The following PCDHGB1 variants were observed in gnomAD, a reference collection of about 807,000 sequenced individuals.
PCDHGB1 encodes protocadherin gamma subfamily B, 1, also known as protocadherin gamma-B1.
Under a neutral mutation model 56.6 loss-of-function variants are expected in PCDHGB1, and 34 were observed. That is an observed-to-expected ratio of 0.60 (90% CI 0.46 to 0.80). The LOEUF (loss-of-function observed/expected upper bound fraction) is 0.80. Ranked by LOEUF, PCDHGB1 falls within the 30% of genes least tolerant of loss-of-function variation. The pLI, the probability that PCDHGB1 is intolerant of heterozygous loss-of-function variation, is 0.00. For missense variants in PCDHGB1, 1,278 were observed against 1,204.6 expected, an observed-to-expected ratio of 1.06 and a Z score of -0.90; for synonymous variants, 561 against 505.9, an observed-to-expected ratio of 1.11 and a Z score of -1.46.
At chr5:141,478,920 C>A (rs559060283) in intron 1 of PCDHGB1, 1 of 728,392 alleles carries the variant, frequency 1.4e-6, no homozygotes. Context: ...ATACCTCTAA[C>A]CAGTGGCAGC....
chr5:141,492,919 C>A (rs1019663003), intron 1 of PCDHGB1, among the ~76,000 whole-genome samples: 1 of 152,192 alleles, frequency 6.6e-6, no homozygotes, highest in Non-Finnish European at 1.5e-5. Context: ...ATGTGCCCAG[C>A]GATCTAGGGT....
In PCDHGB1 at chr5:141,368,077, T is replaced by A. The variant is rs563591342; in HGVS notation, c.2409+15408T>A. Among the ~76,000 whole-genome samples the A allele has an allele frequency of 2.2e-4, 33 of 152,336 alleles. 1 individual carries two copies. The South Asian group carries it at 5.6e-3, about 26-fold the overall frequency. On this transcript the variant is annotated intron_variant, in intron 1 of 3. Transcript: ENST00000523390. ...AGAACTACTATATTTCCCTTCTGCA[T>A]CTGATTTGCTGAAGATGATTTTCAG...
chr5:141,408,720 A>T, intron 1 of PCDHGB1: 1 of 1,611,332 alleles, frequency 6.2e-7, no homozygotes, highest in Non-Finnish European at 8.5e-7. Context: ...TATAAGATAA[A>T]CTCTAATCCT....
At chr5:141,478,044 C>T in intron 1 of PCDHGB1, 2 of 1,614,184 alleles carry the variant, frequency 1.2e-6, no homozygotes, top group South Asian at 1.1e-5. Flanking sequence ...CCCAGGCAGA[C>T]TCTCACGGTC....
chr5:141,491,871 C>T lies in PCDHGB1; in HGVS notation c.2410-2936C>T, dbSNP rs1222191027. 2.1e-6 allele frequency: 3 copies of T among 1,451,434 alleles called. No individual in the cohort carries two copies. Among genetic ancestry groups the T allele is most frequent in the Non-Finnish European group, 2.7e-6 (3 of 1,098,418 alleles). 89.9% of individuals were successfully genotyped at this position (1,451,434 alleles called of 1,614,324 possible). ...ACCGTTTGCGCGAAACCAGAGTGGC[C>T]GATTAAGGGATGGGGCTCCGAGCAC... On this transcript the variant is annotated intron_variant, in intron 1 of 3. Transcript: ENST00000523390. The surrounding 1 kb of genome is among the most constrained non-coding windows in gnomAD (Gnocchi z 6.9).
intron 1 of PCDHGB1, chr5:141,419,559 T>C: frequency 6.2e-7 from 1 of 1,611,930 alleles, no homozygotes. Context: ...TACCCTGCGC[T>C]GGGTCCCGAC....
intron 1 of PCDHGB1, chr5:141,362,678 T>C: frequency 8.3e-7 from 1 of 1,209,742 alleles, no homozygotes; most frequent in Admixed American, 2.9e-5. Flanking sequence ...GCCTTAATTG[T>C]CTTAATCTTA....
chr5:141,372,000 G>C (rs762846056), intron 1 of PCDHGB1: 3 of 1,613,268 alleles, frequency 1.9e-6, no homozygotes, highest in Middle Eastern at 1.7e-4. Context: ...GCAGGCCCGC[G>C]ACCAGGGCTC....
chr5:141,414,255 G>A (rs776584940), intron 1 of PCDHGB1: 12 of 1,613,350 alleles, frequency 7.4e-6, no homozygotes, highest in Non-Finnish European at 1.0e-5. Flanking sequence ...TTAGTCCAGT[G>A]ACTGAAGATT....
intron 1 of PCDHGB1, chr5:141,365,598 C>G (rs772367194): frequency 1.2e-6 from 2 of 1,613,672 alleles, no homozygotes; most frequent in Non-Finnish European, 1.7e-6. Flanking sequence ...ATCACTTTAA[C>G]CGTCATGGAC....
chr5:141,433,033 C>A, intron 1 of PCDHGB1: 2 of 1,614,164 alleles, frequency 1.2e-6, no homozygotes, highest in Non-Finnish European at 1.7e-6. Flanking sequence ...ACGAGGTTTC[C>A]CTCACCACGG....
chr5:141,394,020 AG>A (rs745548616), intron 1 of PCDHGB1: 1 of 1,613,544 alleles, frequency 6.2e-7, no homozygotes, highest in Non-Finnish European at 8.5e-7. Flanking sequence ...TAATTATTAT[AG>A]ATTAGTGACA....
Position 141,476,901 on chromosome 5 carries a change from G to A in PCDHGB1, c.2410-17906G>A, listed in dbSNP as rs1466086788. The A allele has an allele frequency of 1.9e-6, 3 of 1,613,782 alleles. No individual in the cohort carries two copies. The African/African-American group carries it at 4.0e-5, about 22-fold the overall frequency. On this transcript the variant is annotated intron_variant, in intron 1 of 3. Coordinates refer to ENST00000523390, the MANE Select transcript of PCDHGB1 (RefSeq NM_018922.3). The surrounding 1 kb of genome is among the most constrained non-coding windows in gnomAD (Gnocchi z 7.6). ...CTGGAGGATGCACCCTCCGGCACGC[G>A]CGTGGTACAAGTCCTTGCAACGGAT...
At chr5:141,448,074 G>A (rs1008235342) in intron 1 of PCDHGB1, among the ~76,000 whole-genome samples, 3 of 151,152 alleles carry the variant, frequency 2.0e-5, no homozygotes, top group Admixed American at 1.3e-4. Context: ...CAACATGAAC[G>A]AAATGCCATC....
chr5:141,510,795 G>T (rs994874330), intron 3 of PCDHGB1, 152 bp from the exon 4 acceptor site: 6 of 1,465,214 alleles, frequency 4.1e-6, no homozygotes. Flanking sequence ...CTTGTGAAGA[G>T]AGACTACCTT....
At chr5:141,414,020 C>A in intron 1 of PCDHGB1, 1 of 1,612,618 alleles carries the variant, frequency 6.2e-7, no homozygotes. Flanking sequence ...GGAGAAGTGA[C>A]ATATTCATTC....
At position 141,431,578 on chromosome 5, in the gene PCDHGB1, C is replaced by T. The variant is rs756332070; in HGVS notation, c.2410-63229C>T. 6.2e-7 allele frequency: 1 copy of T among 1,614,164 alleles called. No homozygotes were observed. On this transcript the variant is annotated intron_variant, in intron 1 of 3. Coordinates refer to ENST00000523390, the MANE Select transcript of PCDHGB1 (RefSeq NM_018922.3). This position sits in a 1 kb window ranked among gnomAD's most constrained non-coding sequence, Gnocchi z 4.8. ...ACGCTACCGACCCTGACGAAGGAGT[C>T]AATGCGGAAGTGAGGTATTCCTTCC...
At chr5:141,417,423 C>T (rs1252792899) in intron 1 of PCDHGB1, 1 of 159,686 alleles carries the variant, frequency 6.3e-6, no homozygotes, top group African/African-American at 2.4e-5. Context: ...TATGTAAATT[C>T]AGTAAATAAA....
At chr5:141,404,102 T>C (rs1288980459) in intron 1 of PCDHGB1, 16 of 1,613,462 alleles carry the variant, frequency 9.9e-6, no homozygotes, top group Non-Finnish European at 8.5e-7. Context: ...TCAAGTTGTC[T>C]GTTCTATCCA....
Sources: gnomAD v4.1 joint callset for allele counts (sites outside exome capture counted in the v4.1 genomes callset) on GRCh38, gnomAD v4.1.1 for gene constraint, Gnocchi (gnomAD v3.1) non-coding constraint, MANE v1.5 for transcripts, NCBI Gene and HGNC (gene_info 2026-07-23, HGNC 2026-07-21) for gene names.